ADK: variants seen among roughly 807,000 people sequenced by gnomAD.
ADK encodes the protein adenosine kinase, also known as N6,N6-dimethyladenosine kinase.
ADK carries 24 observed loss-of-function variants against 44.7 expected under a neutral mutation model. That is an observed-to-expected ratio of 0.54 (90% CI 0.39 to 0.76). ADK has a LOEUF of 0.76. Ranked by LOEUF, ADK falls within the 30% of genes least tolerant of loss-of-function variation. The pLI is 0.00. For synonymous variants in ADK, 128 were observed against 142.6 expected, an observed-to-expected ratio of 0.90 and a Z score of 0.73; for missense variants, 321 against 425.1, an observed-to-expected ratio of 0.76 and a Z score of 2.15.
intron 4 of ADK, among the ~76,000 whole-genome samples, chr10:74,328,613 TAGTG>T (rs1168449152): frequency 1.3e-5 from 2 of 152,160 alleles, no homozygotes; most frequent in African/African-American, 2.4e-5. Context: ...GTTCTCATGA[TAGTG>T]AGTAAGTTCT....
At chr10:74,371,894 G>T (rs1487877480) in intron 4 of ADK, 14 of 1,475,066 alleles carry the variant, frequency 9.5e-6, no homozygotes, top group Non-Finnish European at 1.2e-5. Flanking sequence ...AAGAGCCACG[G>T]CTTCTTGTGG....
chr10:74,568,525 T>G (rs973570110), intron 7 of ADK, among the ~76,000 whole-genome samples: 7 of 152,014 alleles, frequency 4.6e-5, no homozygotes, highest in African/African-American at 1.4e-4. Flanking sequence ...TCAGGGCAAG[T>G]CCACAGTGCA....
chr10:74,596,869 A>G (rs1851945107), intron 8 of ADK, among the ~76,000 whole-genome samples: 1 of 152,146 alleles, frequency 6.6e-6, no homozygotes, highest in South Asian at 2.1e-4. Context: ...TTAGAGCTTT[A>G]TACATGGCTT....
In ADK at chr10:74,539,003, C is replaced by A. The variant is rs1589229292; in HGVS notation, c.726+13577C>A. On this transcript the variant is annotated intron_variant, in intron 7 of 10. Transcript: ENST00000539909. ...TGCTATACATGCATACAACTTCTTT[C>A]AGATATTCTTCTTTTGGTTAAGAGC... Among the ~76,000 whole-genome samples, 7 of 152,178 alleles carry A rather than the reference C, an allele frequency of 4.6e-5. No homozygotes were observed. In the East Asian group the frequency reaches 1.4e-3, roughly 29 times the overall value.
intron 7 of ADK, among the ~76,000 whole-genome samples, chr10:74,586,896 CAT>C (rs1385651353): frequency 6.7e-6 from 1 of 150,146 alleles, no homozygotes. Flanking sequence ...TACACACACA[CAT>C]ATTTATATAC....
At chr10:74,394,712 A>T (rs1843449155) in intron 5 of ADK, among the ~76,000 whole-genome samples, 1 of 152,164 alleles carries the variant, frequency 6.6e-6, no homozygotes, top group African/African-American at 2.4e-5. Flanking sequence ...AGACAGAGAG[A>T]GAGTGTGTGT....
intron 2 of ADK, among the ~76,000 whole-genome samples, chr10:74,223,090 A>T (rs1300389752): frequency 6.6e-6 from 1 of 152,234 alleles, no homozygotes; most frequent in East Asian, 1.9e-4. Context: ...TGGGTATTTT[A>T]TAAGAAAAGG....
intron 3 of ADK, among the ~76,000 whole-genome samples, chr10:74,247,676 A>G (rs1490776596): frequency 6.6e-6 from 1 of 152,198 alleles, no homozygotes; most frequent in Non-Finnish European, 1.5e-5. Context: ...TTTTTCAACA[A>G]CAATAAAATG....
intron 7 of ADK, among the ~76,000 whole-genome samples, chr10:74,572,744 T>G (rs958604564): frequency 6.6e-6 from 1 of 152,218 alleles, no homozygotes; most frequent in Non-Finnish European, 1.5e-5. Context: ...TCGCTTCATT[T>G]CATTCATTTC....
chr10:74,442,094 C>T (rs531448635), intron 6 of ADK, among the ~76,000 whole-genome samples: 3 of 151,884 alleles, frequency 2.0e-5, no homozygotes, highest in African/African-American at 4.8e-5. Flanking sequence ...TCAAGGCCAG[C>T]CTAGGCAACA....
intron 6 of ADK, among the ~76,000 whole-genome samples, chr10:74,475,737 AAGAG>A: frequency 6.6e-6 from 1 of 151,642 alleles, no homozygotes; most frequent in South Asian, 2.1e-4. Context: ...AGAGAGAGCG[AAGAG>A]AGAAAGAGAG....
intron 9 of ADK, among the ~76,000 whole-genome samples, chr10:74,654,195 C>T (rs976176695): frequency 1.8e-4 from 28 of 152,166 alleles, no homozygotes; most frequent in African/African-American, 6.5e-4. Context: ...AACCATTGTG[C>T]TCAGAAGGAG....
chr10:74,273,242 C>A lies in ADK; in HGVS notation c.195-41425C>A, dbSNP rs1285486402. ...CTCTACCTCAGTTGCGGAGAGCCTCCTTGCTTAAGGTCACATCCTTTCCAG... is the reference window on the plus strand; with the variant it reads ...CTCTACCTCAGTTGCGGAGAGCCTCATTGCTTAAGGTCACATCCTTTCCAG... On this transcript the variant is annotated intron_variant, in intron 3 of 10. Transcript: ENST00000539909. Among the ~76,000 whole-genome samples the A allele has an allele frequency of 3.9e-5, 6 of 152,052 alleles. No homozygotes were observed. In the East Asian group the frequency reaches 9.6e-4, roughly 24 times the overall value.
chr10:74,283,138 T>C (rs757682712), intron 3 of ADK, among the ~76,000 whole-genome samples: 2 of 152,188 alleles, frequency 1.3e-5, no homozygotes, highest in Non-Finnish European at 2.9e-5. Flanking sequence ...TTAACAAATA[T>C]TCTGTTTTCT....
intron 7 of ADK, among the ~76,000 whole-genome samples, chr10:74,576,149 G>C (rs144868459): frequency 6.6e-6 from 1 of 152,142 alleles, no homozygotes; most frequent in Non-Finnish European, 1.5e-5. Flanking sequence ...TGCATTTAGG[G>C]AATGTAGCAA....
chr10:74,175,406 C>T (rs1402581107), intron 1 of ADK, among the ~76,000 whole-genome samples: 2 of 150,182 alleles, frequency 1.3e-5, no homozygotes, highest in African/African-American at 4.9e-5. Flanking sequence ...TGTAGTCCAA[C>T]TAAAACAATA....
At chr10:74,458,634 A>G (rs1846047166) in intron 6 of ADK, among the ~76,000 whole-genome samples, 1 of 152,150 alleles carries the variant, frequency 6.6e-6, no homozygotes, top group South Asian at 2.1e-4. Context: ...CTATATTTCT[A>G]GTAAAGTAAT....
chr10:74,636,972 C>T (rs1474625006), intron 9 of ADK, among the ~76,000 whole-genome samples: 4 of 152,094 alleles, frequency 2.6e-5, no homozygotes, highest in African/African-American at 9.7e-5. Context: ...ATAAGGATCA[C>T]ATCACTAAGG....
intron 9 of ADK, among the ~76,000 whole-genome samples, chr10:74,614,871 C>G (rs1852691548): frequency 6.6e-6 from 1 of 152,096 alleles, no homozygotes; most frequent in African/African-American, 2.4e-5. Context: ...GCCCTCTTAG[C>G]AAACAGAACT....
Sources: allele counts gnomAD v4.1 joint callset (sites outside exome capture counted in the v4.1 genomes callset), GRCh38; gene constraint gnomAD v4.1.1; transcripts MANE v1.5; gene names NCBI Gene and HGNC (gene_info 2026-07-23, HGNC 2026-07-21).